UPF1: variants seen among roughly 807,000 people sequenced by gnomAD.
UPF1 encodes regulator of nonsense transcripts 1.
A neutral mutation model predicts 129.2 loss-of-function variants in UPF1; 9 were observed. The ratio of observed to expected loss-of-function variants is 0.07; its 90% CI spans 0.04 to 0.12. The LOEUF (loss-of-function observed/expected upper bound fraction) is 0.12, where lower values mean the gene tolerates loss of function less well. UPF1 is among the 10% of genes least tolerant of loss of function. The probability of loss-of-function intolerance (pLI) is 1.00; values close to 1 mark genes in which losing one functional copy is unlikely to be tolerated. For synonymous variants in UPF1, 649 were observed against 644.9 expected (o/e 1.01, Z -0.10); for missense variants, 788 against 1,525.3 (o/e 0.52, Z 8.05).
At chr19:18,860,508 ACTT>A (rs2055766539) in intron 16 of UPF1, 70 bp downstream of exon 16, 3 of 1,498,162 alleles carry the variant, frequency 2.0e-6, no homozygotes, top group Non-Finnish European at 2.8e-6. Context: ...GACCCATTCT[ACTT>A]ATTTTTAACA....
At chr19:18,863,168 A>G (rs1347930367) in intron 18 of UPF1, 3 of 390,764 alleles carry the variant, frequency 7.7e-6, no homozygotes, top group African/African-American at 2.0e-5. Context: ...CTCTCTTGAC[A>G]GCAGGTCTTC....
intron 1 of UPF1, among the ~76,000 whole-genome samples, chr19:18,841,332 C>G (rs1297483940): frequency 6.6e-6 from 1 of 152,030 alleles, no homozygotes; most frequent in African/African-American, 2.4e-5. Context: ...TGTGAATTGG[C>G]GATACTCAGC....
rs1165947381 is a variant in UPF1 at position 18,867,002 on chromosome 19, G to T, written c.*485G>T. ...TGTCCACGCCTACCGGACGCGCCGA[G>T]GTCGCGCTGCCTGTGTTCTCCGAGG... On this transcript the variant is annotated 3_prime_UTR_variant, in exon 24 of 24. Transcript: ENST00000262803. The T allele has an allele frequency of 1.3e-5, 2 of 152,644 alleles. No individual in the cohort carries two copies. The highest frequency in any genetic ancestry group is 2.9e-5 in the Non-Finnish European group (2 of 68,054). 9.5% of individuals were successfully genotyped at this position (152,644 alleles called of 1,614,324 possible). A position where few individuals can be genotyped will look rare whatever the true frequency, so the allele number is the denominator to read the frequency against.
chr19:18,860,201 C>T, intron 15 of UPF1, 120 bp from the exon 16 acceptor site: 4 of 1,046,338 alleles, frequency 3.8e-6, no homozygotes, highest in Non-Finnish European at 2.9e-6. Flanking sequence ...CCTCACAGAT[C>T]GAAGTCTCCT....
chr19:18,863,940 C>T (rs987404980), intron 19 of UPF1, among the ~76,000 whole-genome samples: 3 of 152,104 alleles, frequency 2.0e-5, no homozygotes, highest in African/African-American at 7.2e-5. Flanking sequence ...GGGTGTGAAG[C>T]TTCCTGAGCT....
At chr19:18,849,749 C>A (rs764460698) in intron 3 of UPF1, 1 of 308,832 alleles carries the variant, frequency 3.2e-6, no homozygotes, top group Non-Finnish European at 6.1e-6. Flanking sequence ...TGTCTCTGAC[C>A]CCACAGCAGC....
intron 17 of UPF1, among the ~76,000 whole-genome samples, chr19:18,861,645 C>T (rs2055780530): frequency 6.6e-6 from 1 of 152,000 alleles, no homozygotes. Flanking sequence ...CCAACCTGGG[C>T]AACGTAGGGA....
chr19:18,854,475 G>A, intron 8 of UPF1, 126 bp from the exon 9 acceptor site: 2 of 720,202 alleles, frequency 2.8e-6, no homozygotes, highest in Non-Finnish European at 4.8e-6. Context: ...TTAGCGTTTG[G>A]TGCAGAGCCA....
chr19:18,852,139 A>G lies in UPF1; in HGVS notation c.815A>G (p.Asn272Ser). Residue 272 changes from asparagine (N) to serine (S), a missense_variant, in exon 6 of 24, where the codon AAC becomes AGC. Around this residue, in one of 6 missense-constraint regions of UPF1, gnomAD observed 227 missense variants for 517.9 expected, o/e 0.44. Transcript: ENST00000262803. ...CGCGGTGTTGTTGTCTTCTAGGAAA[A>G]CCCTTCTGCCACGCTGGAGGACCTG... The part of the protein sequence containing the change: ...INKLEELWKE[N>S]PSATLEDLEK... 1 of 1,602,536 alleles carries G rather than the reference A, an allele frequency of 6.2e-7. No homozygotes were observed. Among genetic ancestry groups the G allele is most frequent in the Non-Finnish European group, 8.5e-7 (1 of 1,175,220 alleles).
chr19:18,862,645 A>G (rs567214487), intron 18 of UPF1, among the ~76,000 whole-genome samples: 34 of 152,272 alleles, frequency 2.2e-4, no homozygotes, highest in African/African-American at 8.2e-4. Flanking sequence ...CGACCAGCCT[A>G]ACATGGTGAA....
rs2055436994 is a variant in UPF1, at chr19:18,832,402, G to A, written c.193G>A (p.Ala65Thr). Residue 65 changes from alanine (A) to threonine (T), a missense_variant, in exon 1 of 24, where the codon GCG becomes ACG. Physicochemically the swap from Ala to Thr is moderately conservative, Grantham distance 58 (BLOSUM62 0). This residue lies in a region of UPF1 where 112 missense variants were observed against 128.2 expected (regional missense o/e 0.87). Transcript: ENST00000262803. The surrounding 1 kb of genome is among the most constrained non-coding windows in gnomAD (Gnocchi z 5.6). Reference protein sequence around the residue: ...GGGGAGGPGGAGAGAAAGQLD... With the variant: ...GGGGAGGPGGTGAGAAAGQLD... ...TGGCGGCGCGGGAGGCCCGGGCGGCGCGGGCGCGGGCGCTGCGGCGGGACA... is the reference window on the plus strand; with the variant it reads ...TGGCGGCGCGGGAGGCCCGGGCGGCACGGGCGCGGGCGCTGCGGCGGGACA... 6 of 1,006,258 alleles carry A rather than the reference G, an allele frequency of 6.0e-6. No homozygotes were observed. Among genetic ancestry groups the A allele is most frequent in the Admixed American group, 6.0e-5 (1 of 16,542 alleles). The allele number at this position is 1,006,258 out of a possible 1,614,324, so 62.3% of individuals were successfully genotyped here.
rs2055858673 is a variant in UPF1, at chr19:18,867,105, A to C, written c.*588A>C. ...CAAGATTCTTTTAAAGGAGTACTGA[A>C]GAATACTTTCCTAAGTTTGTCTGTA... On this transcript the variant is annotated 3_prime_UTR_variant, in exon 24 of 24. Transcript: ENST00000262803. 1 of 152,590 alleles carries C rather than the reference A, an allele frequency of 6.6e-6. No homozygotes were observed. The highest frequency in any genetic ancestry group is 6.5e-5 in the Admixed American group (1 of 15,276). The allele number at this position is 152,590 out of a possible 1,614,324, so 9.5% of individuals were successfully genotyped here.
At chr19:18,833,407 T>A (rs760681170) in intron 1 of UPF1, 1 of 152,202 alleles carries the variant, frequency 6.6e-6, no homozygotes, top group Non-Finnish European at 1.5e-5. Context: ...CAATAATGGC[T>A]TTACATAAAC....
chr19:18,845,109 G>A (rs2055583656), intron 1 of UPF1, among the ~76,000 whole-genome samples: 1 of 152,230 alleles, frequency 6.6e-6, no homozygotes, highest in Non-Finnish European at 1.5e-5. Flanking sequence ...GCTGTCTGGG[G>A]TGCTGGGACT....
intron 18 of UPF1, chr19:18,862,929 A>C (rs2055796949): frequency 6.5e-6 from 1 of 153,114 alleles, no homozygotes; most frequent in African/African-American, 2.4e-5. Flanking sequence ...ACAGGGAGAG[A>C]GCCTGGTGCT....
intron 12 of UPF1, 39 bp downstream of exon 12, chr19:18,856,128 C>T (rs2055715009): frequency 1.2e-6 from 2 of 1,607,784 alleles, no homozygotes; most frequent in Non-Finnish European, 1.7e-6. Context: ...GGTCCCTGAG[C>T]TTCTGCGGGT....
At position 18,832,189 on chromosome 19, in the gene UPF1, A is replaced by C. The variant is rs868522008; in HGVS notation, c.-21A>C. 3.3e-6 allele frequency: 5 copies of C among 1,526,824 alleles called. No homozygotes were observed. In the Middle Eastern group the frequency reaches 8.7e-4, roughly 264 times the overall value. The allele number at this position is 1,526,824 out of a possible 1,614,324, so 94.6% of individuals were successfully genotyped here. ...TCGAGTGCAGCGCGGAACCGGCCCG[A>C]GGGCCCTACCCGGAGGCACCATGAG... On this transcript the variant is annotated 5_prime_UTR_variant, in exon 1 of 24. Transcript: ENST00000262803. The surrounding 1 kb of genome is among the most constrained non-coding windows in gnomAD (Gnocchi z 5.6).
At chr19:18,847,484 C>T (rs2055613167) in intron 2 of UPF1, among the ~76,000 whole-genome samples, 1 of 152,222 alleles carries the variant, frequency 6.6e-6, no homozygotes, top group South Asian at 2.1e-4. Flanking sequence ...AGGAGTGAGG[C>T]CTCCTTCCAG....
chr19:18,861,061 A>C, intron 17 of UPF1, 79 bp downstream of exon 17: 1 of 1,476,006 alleles, frequency 6.8e-7, no homozygotes, highest in South Asian at 1.3e-5. Flanking sequence ...TTACCCCCCA[A>C]GAGGGGCCCG....
Sources: allele counts gnomAD v4.1 joint callset (sites outside exome capture counted in the v4.1 genomes callset), GRCh38; gene constraint gnomAD v4.1.1; regional missense constraint gnomAD v4.1.1; non-coding constraint Gnocchi (gnomAD v3.1); transcripts MANE v1.5; gene names NCBI Gene and HGNC (gene_info 2026-07-23, HGNC 2026-07-21).